OR2L2: variants seen among roughly 807,000 people sequenced by gnomAD.
OR2L2 encodes olfactory receptor family 2 subfamily L member 2, also known as olfactory receptor 2L2.
For missense variants in OR2L2, 378 were observed against 375.2 expected, an observed-to-expected ratio of 1.01 and a Z score of -0.06; for synonymous variants, 156 against 135.4, an observed-to-expected ratio of 1.15 and a Z score of -1.06.
rs150908943 is a variant in OR2L2 at position 248,038,525 on chromosome 1, T to C, written c.258T>C (p.Tyr86=). 4.3e-5 allele frequency: 70 copies of C among 1,614,214 alleles called. 1 individual carries two copies. The Middle Eastern group carries it at 6.6e-4, about 15-fold the overall frequency. The change falls in exon 3 of 3, where the codon TAT becomes TAC. Residue 86 remains tyrosine, a synonymous_variant. Transcript: ENST00000641771. The part of the protein sequence containing the change: ...IVPKMVYDFL[Y]GNKSISFTGC... ...CAAAGATGGTTTATGATTTTCTGTATGGAAACAAGTCTATCTCCTTCACTG... is the reference window on the plus strand; with the variant it reads ...CAAAGATGGTTTATGATTTTCTGTACGGAAACAAGTCTATCTCCTTCACTG...
intron 1 of OR2L2, among the ~76,000 whole-genome samples, chr1:248,033,763 T>C (rs1572686454): frequency 6.6e-6 from 1 of 152,098 alleles, no homozygotes; most frequent in South Asian, 2.1e-4. Flanking sequence ...TCTATTGTTA[T>C]ACATGTCTGG....
At chr1:248,034,844 A>C (rs1662712324) in intron 1 of OR2L2, among the ~76,000 whole-genome samples, 1 of 152,200 alleles carries the variant, frequency 6.6e-6, no homozygotes, top group Admixed American at 6.5e-5. Context: ...ACTTTCTGTG[A>C]GTCACAGCAA....
At chr1:248,031,187 C>T (rs1235315742) in intron 1 of OR2L2, among the ~76,000 whole-genome samples, 1 of 152,150 alleles carries the variant, frequency 6.6e-6, no homozygotes, top group African/African-American at 2.4e-5. Flanking sequence ...CTTTGCATTA[C>T]TGAAACAGAT....
rs1662819746 is a variant in OR2L2 at position 248,038,241 on chromosome 1, C to A, written c.-21-6C>A. The A allele has an allele frequency of 6.7e-7, 1 of 1,500,032 alleles. No homozygotes were observed. The highest frequency in any genetic ancestry group is 1.7e-5 in the Admixed American group (1 of 57,890). The allele number at this position is 1,500,032 out of a possible 1,614,324, so 92.9% of individuals were successfully genotyped here. ...GTTCTTAATTTACCCTTTTGTCTCCCTTCAGGATGGATTGTAGGAATTCCC... is the reference window on the plus strand; with the variant it reads ...GTTCTTAATTTACCCTTTTGTCTCCATTCAGGATGGATTGTAGGAATTCCC... On this transcript the variant is annotated splice_region_variant and splice_polypyrimidine_tract_variant and intron_variant, in intron 2 of 2. Transcript: ENST00000641771.
At chr1:248,035,049 C>T (rs1662718885) in intron 1 of OR2L2, among the ~76,000 whole-genome samples, 1 of 149,738 alleles carries the variant, frequency 6.7e-6, no homozygotes, top group Admixed American at 6.7e-5. Flanking sequence ...TTTATCTTTC[C>T]CTTTTTTTTT....
At chr1:248,031,891 T>G (rs1332053419) in intron 1 of OR2L2, among the ~76,000 whole-genome samples, 1 of 152,180 alleles carries the variant, frequency 6.6e-6, no homozygotes, top group Non-Finnish European at 1.5e-5. Flanking sequence ...TGATGTGTCA[T>G]TTAATATTCT....
At position 248,041,298 on chromosome 1, in the gene OR2L2, C is replaced by CCG. The variant is rs1662944616; in HGVS notation, c.*2092_*2093insCG. 1 of 152,074 alleles carries CCG rather than the reference C, an allele frequency of 6.6e-6. No homozygotes were observed. The highest frequency in any genetic ancestry group is 2.4e-5 in the African/African-American group (1 of 41,406). The allele number at this position is 152,074 out of a possible 1,614,324, so 9.4% of individuals were successfully genotyped here. Reference sequence around the variant, plus strand: ...TAATAAATGGTGCTGGGAAAACTGGCTAGCCATATGTAAAAAGCTGAAACT... The same window carrying CCG: ...TAATAAATGGTGCTGGGAAAACTGGCCGTAGCCATATGTAAAAAGCTGAAACT... On this transcript the variant is annotated 3_prime_UTR_variant, in exon 3 of 3. Coordinates refer to ENST00000641771, the MANE Select transcript of OR2L2 (RefSeq NM_001385855.1).
chr1:248,040,222 CA>C lies in OR2L2; in HGVS notation c.*1018del, dbSNP rs1201196365. 1 of 152,220 alleles carries C rather than the reference CA, an allele frequency of 6.6e-6. No individual in the cohort carries two copies. Among genetic ancestry groups the C allele is most frequent in the African/African-American group, 2.4e-5 (1 of 41,454 alleles). The allele number at this position is 152,220 out of a possible 1,614,324, so 9.4% of individuals were successfully genotyped here. Reference sequence around the variant, plus strand: ...TGCTTAGGCATGTGCTTAAAAGGATCAACATTATTTCATAAAGGTTATCTGC... The same window carrying C: ...TGCTTAGGCATGTGCTTAAAAGGATCACATTATTTCATAAAGGTTATCTGC... On this transcript the variant is annotated 3_prime_UTR_variant, in exon 3 of 3. Coordinates refer to ENST00000641771, the MANE Select transcript of OR2L2 (RefSeq NM_001385855.1).
At chr1:248,033,731 T>G (rs980244991) in intron 1 of OR2L2, among the ~76,000 whole-genome samples, 5 of 151,860 alleles carry the variant, frequency 3.3e-5, no homozygotes, top group African/African-American at 1.2e-4. Context: ...GTGTGAGCCA[T>G]GGCACCTGTC....
intron 1 of OR2L2, among the ~76,000 whole-genome samples, chr1:248,034,515 A>G (rs1427020263): frequency 2.6e-5 from 4 of 152,194 alleles, no homozygotes; most frequent in Non-Finnish European, 5.9e-5. Flanking sequence ...AAAAAGATTT[A>G]TCATTAGAAT....
Position 248,041,820 on chromosome 1 carries a change from A to C in OR2L2, c.*2614A>C, listed in dbSNP as rs1311345626. On this transcript the variant is annotated 3_prime_UTR_variant, in exon 3 of 3. Transcript: ENST00000641771. ...CAAAACCACAATGAGATACCATCTC[A>C]CACCAGTTAGAATGGCAATCATTAA... 6.6e-6 allele frequency: 1 copy of C among 152,234 alleles called. No homozygotes were observed. Among genetic ancestry groups the C allele is most frequent in the Non-Finnish European group, 1.5e-5 (1 of 68,048 alleles). The allele number at this position is 152,234 out of a possible 1,614,324, so 9.4% of individuals were successfully genotyped here. A position where few individuals can be genotyped will look rare whatever the true frequency, so the allele number is the denominator to read the frequency against.
chr1:248,033,933 C>A (rs186524750), intron 1 of OR2L2, among the ~76,000 whole-genome samples: 2 of 152,210 alleles, frequency 1.3e-5, no homozygotes, highest in East Asian at 1.9e-4. Flanking sequence ...AAAGAGGAAG[C>A]CAAACTGTCC....
chr1:248,037,992 T>C (rs1489138092), intron 2 of OR2L2, among the ~76,000 whole-genome samples: 1 of 152,214 alleles, frequency 6.6e-6, no homozygotes, highest in African/African-American at 2.4e-5. Context: ...AAGAAAAATA[T>C]AGATTGCATT....
chr1:248,036,123 G>T (rs1662752926), intron 2 of OR2L2, among the ~76,000 whole-genome samples: 1 of 152,064 alleles, frequency 6.6e-6, no homozygotes, highest in Admixed American at 6.5e-5. Flanking sequence ...CCAGTTCTGA[G>T]AATTTTTGTA....
At position 248,038,959 on chromosome 1, in the gene OR2L2, A is replaced by C. The variant is rs1408870111; in HGVS notation, c.692A>C (p.Glu231Ala). ...GCTGTCTACCGCATGCACTCTGCAG[A>C]AGGGAGGAAGAAGGCCTATTCAACC... ...LLAVYRMHSA[E>A]GRKKAYSTCS... The change falls in exon 3 of 3, where the codon GAA becomes GCA. Residue 231 changes from glutamate (E) to alanine (A), a missense_variant. By Grantham distance (107) the Glu-to-Ala change is moderately radical. Transcript: ENST00000641771. 1.2e-6 allele frequency: 2 copies of C among 1,614,000 alleles called. No individual in the cohort carries two copies. Among genetic ancestry groups the C allele is most frequent in the Non-Finnish European group, 1.7e-6 (2 of 1,180,012 alleles).
rs764763713 is a variant in OR2L2 at position 248,038,751 on chromosome 1, G to A, written c.484G>A (p.Ala162Thr). 1.2e-6 allele frequency: 2 copies of A among 1,614,094 alleles called. No individual in the cohort carries two copies. The highest frequency in any genetic ancestry group is 8.5e-7 in the Non-Finnish European group (1 of 1,179,974). The change falls in exon 3 of 3, where the codon GCA becomes ACA. Residue 162 changes from alanine (A) to threonine (T), a missense_variant. Ala to Thr is a moderately conservative substitution (Grantham distance 58). Coordinates refer to ENST00000641771, the MANE Select transcript of OR2L2 (RefSeq NM_001385855.1). ...SINSCAHTVY[A>T]LCIPYCKSRA... ...CAACTCTTGTGCTCACACAGTATAT[G>A]CACTCTGTATCCCATATTGCAAGTC...
Position 248,039,047 on chromosome 1 carries a change from T to C in OR2L2, c.780T>C (p.Arg260=), listed in dbSNP as rs777800163. The C allele has an allele frequency of 1.2e-5, 19 of 1,613,942 alleles. No individual in the cohort carries two copies. The highest frequency in any genetic ancestry group is 2.2e-5 in the East Asian group (1 of 44,886). The change falls in exon 3 of 3, where the codon CGT becomes CGC. Residue 260 remains arginine (R), a synonymous_variant. Transcript: ENST00000641771. ...YYAPFAYTYV[R]PRSLRSPTED... ...CACCCTTTGCTTATACCTATGTACGTCCAAGATCCCTGCGATCTCCAACAG... is the reference window on the plus strand; with the variant it reads ...CACCCTTTGCTTATACCTATGTACGCCCAAGATCCCTGCGATCTCCAACAG...
chr1:248,038,102 T>C (rs1051562650), intron 2 of OR2L2, 145 bp from the exon 3 acceptor site: 12 of 532,630 alleles, frequency 2.3e-5, no homozygotes, highest in African/African-American at 1.5e-4. Context: ...TTAAAGTTTA[T>C]AATATGCATT....
At chr1:248,031,291 A>G (rs1007159134) in intron 1 of OR2L2, among the ~76,000 whole-genome samples, 3 of 152,238 alleles carry the variant, frequency 2.0e-5, no homozygotes, top group Non-Finnish European at 4.4e-5. Context: ...TGGAACATGA[A>G]TAATCAAAGA....
Sources: allele counts gnomAD v4.1 joint callset (sites outside exome capture counted in the v4.1 genomes callset), GRCh38; gene constraint gnomAD v4.1.1; transcripts MANE v1.5; gene names NCBI Gene and HGNC (gene_info 2026-07-23, HGNC 2026-07-21).